The following APC variants were observed in gnomAD, a reference collection of about 807,000 sequenced individuals.
The protein encoded by APC is adenomatous polyposis coli protein.
APC carries 72 observed loss-of-function variants against 247.0 expected under a neutral mutation model. The ratio of observed to expected loss-of-function variants is 0.29; its 90% CI spans 0.24 to 0.35. APC has a LOEUF of 0.35. Ranked by LOEUF, APC falls within the 10% of genes least tolerant of loss-of-function variation. APC has a pLI of 1.00. For missense variants in APC, 3,400 were observed against 3,360.7 expected (o/e 1.01, Z -0.29); for synonymous variants, 1,254 against 1,162.5 (o/e 1.08, Z -1.60).
upstream of APC, among the ~76,000 whole-genome samples, chr5:112,734,617 G>A (rs1229556804): frequency 3.3e-5 from 5 of 152,262 alleles, no homozygotes; most frequent in South Asian, 1.0e-3. Flanking sequence ...AAGTTTATCA[G>A]TAAAGCACCA....
At chr5:112,827,865 CA>C in intron 12 of APC, 63 bp from the exon 13 acceptor site, 1 of 1,382,732 alleles carries the variant, frequency 7.2e-7, no homozygotes, top group Non-Finnish European at 1.0e-6. Flanking sequence ...ATTTAGTAGC[CA>C]AAAATAAAGC....
chr5:112,787,465 A>G (rs1032093530), intron 6 of APC, among the ~76,000 whole-genome samples: 10 of 152,186 alleles, frequency 6.6e-5, no homozygotes, highest in African/African-American at 2.4e-4. Flanking sequence ...TGTCTTCTCC[A>G]TCACTTGTGA....
At chr5:112,737,677 G>A (rs1752483316), upstream of APC, among the ~76,000 whole-genome samples, 1 of 152,246 alleles carries the variant, frequency 6.6e-6, no homozygotes, top group African/African-American at 2.4e-5. Flanking sequence ...CGAGGGGTAC[G>A]GGGCTAGGGC....
At position 112,831,368 on chromosome 5, in the gene APC, A is replaced by G. The variant is rs547641235; in HGVS notation, c.1743+2396A>G. Among the ~76,000 whole-genome samples the G allele has an allele frequency of 1.2e-3, 184 of 152,306 alleles. 1 individual carries two copies. The highest frequency in any genetic ancestry group is 4.4e-3 in the African/African-American group (181 of 41,574). On this transcript the variant is annotated intron_variant, in intron 14 of 15. Coordinates refer to ENST00000257430, the MANE Select transcript of APC (RefSeq NM_000038.6). Reference sequence around the variant, plus strand: ...ATGACCCGCCTGCCTTGGCCTTCCAAAGTGCTGGGATTACAGGCATGATAT... The same window carrying G: ...ATGACCCGCCTGCCTTGGCCTTCCAGAGTGCTGGGATTACAGGCATGATAT...
At chr5:112,783,921 C>CT (rs2149654688) in intron 6 of APC, 1 of 223,394 alleles carries the variant, frequency 4.5e-6, no homozygotes, top group Admixed American at 5.5e-5. Flanking sequence ...TTAAACATCA[C>CT]TACACATCAG....
intron 15 of APC, among the ~76,000 whole-genome samples, chr5:112,837,325 A>G (rs926141797): frequency 1.3e-5 from 2 of 152,226 alleles, no homozygotes; most frequent in African/African-American, 2.4e-5. Context: ...CAGAATAGGA[A>G]ATGTAGAATT....
chr5:112,838,080 C>T lies in APC; in HGVS notation c.2486C>T (p.Thr829Ile), dbSNP rs1765193557. 2.5e-6 allele frequency: 4 copies of T among 1,614,180 alleles called. No individual in the cohort carries two copies. Among genetic ancestry groups the T allele is most frequent in the Non-Finnish European group, 3.4e-6 (4 of 1,180,026 alleles). The change falls in exon 16 of 16, where the codon ACA becomes ATA. Residue 829 changes from threonine (T) to isoleucine (I), a missense_variant. Physicochemically the swap from Thr to Ile is moderately conservative, Grantham distance 89. Transcript: ENST00000257430. Reference sequence around the variant, plus strand: ...GTCCTTTCACCATATTTGAATACTACAGTGTTACCCAGCTCCTCTTCATCA... The same window carrying T: ...GTCCTTTCACCATATTTGAATACTATAGTGTTACCCAGCTCCTCTTCATCA... ...MTVLSPYLNT[T>I]VLPSSSSSRG...
At chr5:112,774,579 A>C (rs1050483429) in intron 4 of APC, among the ~76,000 whole-genome samples, 1 of 149,584 alleles carries the variant, frequency 6.7e-6, no homozygotes, top group Admixed American at 6.8e-5. Context: ...TCCCAGCTCA[A>C]CCTCCCAAGT....
At chr5:112,833,569 C>T (rs1298994125) in intron 14 of APC, among the ~76,000 whole-genome samples, 1 of 152,120 alleles carries the variant, frequency 6.6e-6, no homozygotes, top group African/African-American at 2.4e-5. Context: ...AGTGATCCAC[C>T]CACCTCAGCC....
Position 112,841,058 on chromosome 5 carries a change from G to C in APC, c.5464G>C (p.Val1822Leu). ...KKQNLKNNSK[V>L]FNDKLPNNED... The stretch of plus-strand genomic sequence containing the variant: ...ACAGAATTTGAAAAATAATTCCAAG[G>C]TCTTCAATGATAAGCTCCCAAATAA... Residue 1822 changes from valine (V) to leucine (L), a missense_variant, in exon 16 of 16, where the codon GTC (valine) becomes CTC (leucine). Coordinates refer to ENST00000257430, the MANE Select transcript of APC (RefSeq NM_000038.6). This position sits in a 1 kb window ranked among gnomAD's most constrained non-coding sequence, Gnocchi z 4.6. The C allele has an allele frequency of 6.2e-7, 1 of 1,612,238 alleles. No homozygotes were observed. The highest frequency in any genetic ancestry group is 8.5e-7 in the Non-Finnish European group (1 of 1,178,420).
intron 5 of APC, among the ~76,000 whole-genome samples, chr5:112,780,299 C>A (rs1758182232): frequency 1.3e-5 from 2 of 152,106 alleles, no homozygotes; most frequent in South Asian, 4.1e-4. Context: ...CCATATTCCT[C>A]ATTTGATTAA....
intron 2 of APC, among the ~76,000 whole-genome samples, chr5:112,760,182 T>G (rs925439338): frequency 6.6e-6 from 1 of 152,068 alleles, no homozygotes; most frequent in Non-Finnish European, 1.5e-5. Context: ...AAGAAACTCT[T>G]GAGGACTTTC....
At chr5:112,716,192 T>C (rs1425642637) in intron 1 of APC, among the ~76,000 whole-genome samples, 2 of 152,190 alleles carry the variant, frequency 1.3e-5, no homozygotes, top group Non-Finnish European at 2.9e-5. Context: ...TTTTTAAATA[T>C]GTTCATAAAG....
chr5:112,792,227 C>T (rs926199091), intron 6 of APC, among the ~76,000 whole-genome samples: 2 of 150,904 alleles, frequency 1.3e-5, no homozygotes, highest in African/African-American at 4.9e-5. Context: ...GCCAGGGCAA[C>T]AGAGCGAGAC....
intron 1 of APC, among the ~76,000 whole-genome samples, chr5:112,731,159 G>GT (rs1752078171): frequency 6.6e-6 from 1 of 151,650 alleles, no homozygotes; most frequent in Non-Finnish European, 1.5e-5. Context: ...AATTGTTGAG[G>GT]TTTTTTCTAA....
At position 112,815,598 on chromosome 5, in the gene APC, C is replaced by T. The variant is rs573528468; in HGVS notation, c.933+5C>T. The T allele has an allele frequency of 1.1e-5, 17 of 1,605,834 alleles. No homozygotes were observed. In the South Asian group the frequency reaches 1.3e-4, roughly 12 times the overall value. On this transcript the variant is annotated splice_donor_5th_base_variant and intron_variant, in intron 9 of 15. Transcript: ENST00000257430. The stretch of plus-strand genomic sequence containing the variant: ...ACAAGTCATCTGGGAACCAAGGTAA[C>T]AGAAGATTACAAACCCTGGTCACTA...
At chr5:112,784,500 G>A (rs972438184) in intron 6 of APC, among the ~76,000 whole-genome samples, 1 of 152,160 alleles carries the variant, frequency 6.6e-6, no homozygotes, top group Non-Finnish European at 1.5e-5. Context: ...AATATGTTGC[G>A]TACAGAAATA....
At chr5:112,781,852 C>T (rs184505034) in intron 6 of APC, among the ~76,000 whole-genome samples, 1 of 151,790 alleles carries the variant, frequency 6.6e-6, no homozygotes, top group East Asian at 1.9e-4. Flanking sequence ...CTCCTGGGCT[C>T]AAGCAATGCT....
intron 10 of APC, among the ~76,000 whole-genome samples, chr5:112,820,296 A>G (rs1357535967): frequency 6.6e-6 from 1 of 152,032 alleles, no homozygotes; most frequent in Admixed American, 6.6e-5. Context: ...TTATGAACCT[A>G]TAGCAGATTT....
Sources: allele counts gnomAD v4.1 joint callset (sites outside exome capture counted in the v4.1 genomes callset), GRCh38; gene constraint gnomAD v4.1.1; non-coding constraint Gnocchi (gnomAD v3.1); transcripts MANE v1.5; gene names NCBI Gene and HGNC (gene_info 2026-07-23, HGNC 2026-07-21).